The following SPHKAP variants were observed in gnomAD, a reference collection of about 807,000 sequenced individuals.
The protein encoded by SPHKAP is SPHK1 interactor, AKAP domain containing.
In SPHKAP, 67 loss-of-function variants were observed where a neutral mutation model predicts 137.5. That is an observed-to-expected ratio of 0.49 (90% confidence interval 0.40 to 0.60). The LOEUF (loss-of-function observed/expected upper bound fraction) is 0.60, where lower values mean the gene tolerates loss of function less well. Ranked by LOEUF, SPHKAP falls within the 20% of genes least tolerant of loss-of-function variation. The pLI is 0.00. For missense variants in SPHKAP, 2,097 were observed against 2,069.3 expected, an observed-to-expected ratio of 1.01 and a Z score of -0.26; for synonymous variants, 813 against 785.3, an observed-to-expected ratio of 1.04 and a Z score of -0.59.
intron 3 of SPHKAP, among the ~76,000 whole-genome samples, chr2:228,101,542 T>C (rs1295221509): frequency 6.6e-6 from 1 of 152,246 alleles, no homozygotes; most frequent in Admixed American, 6.5e-5. Flanking sequence ...GTATATTGAA[T>C]ACTTATCTGA....
At chr2:228,122,670 G>A (rs923652616) in intron 2 of SPHKAP, among the ~76,000 whole-genome samples, 6 of 152,192 alleles carry the variant, frequency 3.9e-5, no homozygotes, top group South Asian at 4.1e-4. Flanking sequence ...CCTTTAAGGC[G>A]AGAGAAGCCA....
At chr2:228,034,327 C>A (rs1695486236) in intron 3 of SPHKAP, among the ~76,000 whole-genome samples, 1 of 152,036 alleles carries the variant, frequency 6.6e-6, no homozygotes, top group Admixed American at 6.6e-5. Context: ...AAGACTAAAC[C>A]AGGAAGAAGT....
At chr2:228,152,929 C>T (rs1045709867) in intron 1 of SPHKAP, among the ~76,000 whole-genome samples, 1 of 152,096 alleles carries the variant, frequency 6.6e-6, no homozygotes, top group Non-Finnish European at 1.5e-5. Context: ...AGGGGGGACC[C>T]AGTGGAAGAT....
At chr2:228,170,403 G>A (rs1040687145) in intron 1 of SPHKAP, among the ~76,000 whole-genome samples, 1 of 152,104 alleles carries the variant, frequency 6.6e-6, no homozygotes, top group African/African-American at 2.4e-5. Context: ...TGGGCAAAAT[G>A]CTATCAAACA....
At chr2:228,128,140 A>G (rs779805155) in intron 2 of SPHKAP, among the ~76,000 whole-genome samples, 1 of 152,180 alleles carries the variant, frequency 6.6e-6, no homozygotes, top group African/African-American at 2.4e-5. Flanking sequence ...TTCATGAAAG[A>G]TTTCTCTGGA....
At chr2:228,021,294 C>A (rs560449665) in intron 6 of SPHKAP, among the ~76,000 whole-genome samples, 1 of 152,286 alleles carries the variant, frequency 6.6e-6, no homozygotes, top group Admixed American at 6.5e-5. Context: ...ATAACTGGCG[C>A]CAGATCTCAC....
At chr2:228,000,599 CAGTA>C (rs1187149737) in intron 7 of SPHKAP, among the ~76,000 whole-genome samples, 2 of 148,050 alleles carry the variant, frequency 1.4e-5, no homozygotes, top group Non-Finnish European at 3.0e-5. Context: ...GCCTGGGAGA[CAGTA>C]AGACTCCATC....
intron 1 of SPHKAP, among the ~76,000 whole-genome samples, chr2:228,143,591 G>T (rs939170132): frequency 4.0e-5 from 6 of 150,986 alleles, no homozygotes; most frequent in African/African-American, 1.2e-4. Context: ...CGCCTCCCTG[G>T]TTCAAGCAAT....
chr2:228,134,826 T>C (rs6436754), intron 1 of SPHKAP, among the ~76,000 whole-genome samples: 52,042 of 151,998 alleles, frequency 0.34, 9,191 homozygotes, highest in East Asian at 0.51. Flanking sequence ...TAGATCCCTT[T>C]CATGCAGGCC....
At chr2:228,001,971 G>C (rs1248488896) in intron 7 of SPHKAP, among the ~76,000 whole-genome samples, 1 of 152,124 alleles carries the variant, frequency 6.6e-6, no homozygotes, top group Admixed American at 6.5e-5. Flanking sequence ...GTCTATCATT[G>C]TTGGATATTT....
chr2:228,174,156 G>A (rs1426047875), intron 1 of SPHKAP, among the ~76,000 whole-genome samples: 1 of 152,128 alleles, frequency 6.6e-6, no homozygotes, highest in Non-Finnish European at 1.5e-5. Flanking sequence ...GCTTCCTGTG[G>A]CTGTGTCAAA....
intron 11 of SPHKAP, 193 bp downstream of exon 11, chr2:227,990,807 A>G: frequency 1.7e-6 from 1 of 594,848 alleles, no homozygotes; most frequent in Non-Finnish European, 2.8e-6. Context: ...AAGACAAAGT[A>G]AGGATCAAAG....
intron 7 of SPHKAP, among the ~76,000 whole-genome samples, chr2:227,998,971 G>T (rs1045696712): frequency 6.6e-6 from 1 of 152,166 alleles, no homozygotes; most frequent in African/African-American, 2.4e-5. Context: ...AATATTGGCT[G>T]CAGAAAGGTC....
At position 228,108,946 on chromosome 2, in the gene SPHKAP, G is replaced by A. The variant is rs770329968; in HGVS notation, c.139-7C>T. ...GGCTATTGCTGCGAAGAACCTGGAG[G>A]AACCCAGAAAAACTCAGTTCTTATT... On this transcript the variant is annotated splice_polypyrimidine_tract_variant and splice_region_variant and intron_variant, in intron 2 of 11. Coordinates refer to ENST00000392056, the MANE Select transcript of SPHKAP (RefSeq NM_001142644.2). 1.9e-6 allele frequency: 3 copies of A among 1,567,416 alleles called. No homozygotes were observed. Among genetic ancestry groups the A allele is most frequent in the Non-Finnish European group, 2.6e-6 (3 of 1,162,526 alleles).
intron 3 of SPHKAP, among the ~76,000 whole-genome samples, chr2:228,073,109 A>C (rs966443188): frequency 6.6e-6 from 1 of 152,226 alleles, no homozygotes; most frequent in African/African-American, 2.4e-5. Context: ...ATCTAGTCAA[A>C]GCAGTTTATT....
intron 7 of SPHKAP, among the ~76,000 whole-genome samples, chr2:228,006,174 C>T (rs1277893346): frequency 6.6e-6 from 1 of 152,154 alleles, no homozygotes; most frequent in African/African-American, 2.4e-5. Flanking sequence ...CTTTCAGGTA[C>T]ACCAATCCGA....
In SPHKAP at chr2:228,017,518, C is replaced by T. The variant is rs1694654097; in HGVS notation, c.3336G>A (p.Arg1112=). ...LMSTLSQPVS[R]ASSVSKQSSC... is the part of the protein sequence containing the mutation. ...TCGACTGCTTGGAGACAGAGCTGGC[C>T]CTGCTGACCGGCTGGCTCAGCGTGC... Residue 1112 remains arginine (R), a synonymous_variant, in exon 7 of 12, where the codon AGG becomes AGA. Transcript: ENST00000392056. 1 of 1,613,094 alleles carries T rather than the reference C, an allele frequency of 6.2e-7. No homozygotes were observed.
At chr2:228,053,434 A>C (rs1340769090) in intron 3 of SPHKAP, among the ~76,000 whole-genome samples, 1 of 152,174 alleles carries the variant, frequency 6.6e-6, no homozygotes, top group Non-Finnish European at 1.5e-5. Context: ...GTTTGTCCAG[A>C]GAGGAATTCT....
chr2:228,016,796 G>C lies in SPHKAP; in HGVS notation c.4058C>G (p.Ala1353Gly), dbSNP rs754044724. Residue 1353 changes from alanine to glycine, a missense_variant, in exon 7 of 12, where the codon GCG becomes GGG. Coordinates refer to ENST00000392056, the MANE Select transcript of SPHKAP (RefSeq NM_001142644.2). The part of the protein sequence containing the change: ...QAEKCANRLA[A>G]SRMCSGPTLL... ...AGTTGGCCCACTGCACATCCTGCTC[G>C]CAGCTAATCTATTTGCACACTTCTC... 1 of 1,613,968 alleles carries C rather than the reference G, an allele frequency of 6.2e-7. No homozygotes were observed. Among genetic ancestry groups the C allele is most frequent in the South Asian group, 1.1e-5 (1 of 91,058 alleles).
Sources: allele counts gnomAD v4.1 joint callset (sites outside exome capture counted in the v4.1 genomes callset), GRCh38; gene constraint gnomAD v4.1.1; transcripts MANE v1.5; gene names NCBI Gene and HGNC (gene_info 2026-07-23, HGNC 2026-07-21).